The following AXDND1 variants were observed in gnomAD, a reference collection of about 807,000 sequenced individuals.
AXDND1 encodes the protein axonemal dynein light chain domain containing 1.
AXDND1 carries 110 observed loss-of-function variants against 137.5 expected under a neutral mutation model. The ratio of observed to expected loss-of-function variants is 0.80; its 90% CI spans 0.69 to 0.94. The LOEUF (loss-of-function observed/expected upper bound fraction) is 0.94, where lower values mean the gene tolerates loss of function less well. Among genes scored for constraint, AXDND1 ranks in the 40% least tolerant of loss-of-function variants. AXDND1 has a pLI of 0.00. For synonymous variants in AXDND1, 414 were observed against 399.7 expected, an observed-to-expected ratio of 1.04 and a Z score of -0.43; for missense variants, 1,191 against 1,169.8, an observed-to-expected ratio of 1.02 and a Z score of -0.26.
At chr1:179,465,696 T>G (rs1663047020) in intron 16 of AXDND1, among the ~76,000 whole-genome samples, 1 of 152,214 alleles carries the variant, frequency 6.6e-6, no homozygotes, top group Non-Finnish European at 1.5e-5. Context: ...CTGCCTTTTG[T>G]TCAGCTATGC....
chr1:179,398,539 G>A (rs894877248), intron 11 of AXDND1, among the ~76,000 whole-genome samples: 4 of 152,190 alleles, frequency 2.6e-5, no homozygotes, highest in Admixed American at 1.3e-4. Context: ...GTGCTGGGGT[G>A]CCTGCTTCCA....
At chr1:179,437,986 T>C (rs1032332246) in intron 15 of AXDND1, among the ~76,000 whole-genome samples, 3 of 152,090 alleles carry the variant, frequency 2.0e-5, no homozygotes, top group Admixed American at 2.0e-4. Flanking sequence ...ACCCTGTCTC[T>C]ACTACAAATA....
chr1:179,448,594 T>C (rs536312711), intron 16 of AXDND1: 26 of 289,776 alleles, frequency 9.0e-5, no homozygotes, highest in Middle Eastern at 1.3e-3. Flanking sequence ...GTGTGTCTCC[T>C]GGGCACGCAC....
intron 16 of AXDND1, chr1:179,448,370 C>G (rs1257580697): frequency 1.2e-5 from 8 of 674,716 alleles, no homozygotes; most frequent in Non-Finnish European, 1.9e-5. Context: ...TCCAAACTCT[C>G]TCTTTGTAAA....
intron 4 of AXDND1, among the ~76,000 whole-genome samples, chr1:179,370,847 C>T (rs1014172019): frequency 7.2e-5 from 11 of 152,132 alleles, no homozygotes; most frequent in African/African-American, 2.7e-4. Flanking sequence ...GTTTTGTGTG[C>T]CTCCCAGGGA....
chr1:179,483,016 C>G, intron 17 of AXDND1, 112 bp from the exon 18 acceptor site: 1 of 625,074 alleles, frequency 1.6e-6, no homozygotes, highest in Non-Finnish European at 2.6e-6. Flanking sequence ...AAGCAGTTGT[C>G]AACATCTAAG....
intron 12 of AXDND1, among the ~76,000 whole-genome samples, chr1:179,416,535 A>G (rs1293741814): frequency 6.6e-6 from 1 of 152,186 alleles, no homozygotes; most frequent in Non-Finnish European, 1.5e-5. Flanking sequence ...ATTCCCACCA[A>G]CAGCGTACAA....
intron 9 of AXDND1, among the ~76,000 whole-genome samples, chr1:179,386,712 T>A (rs1179173044): frequency 6.6e-6 from 1 of 152,082 alleles, no homozygotes; most frequent in Non-Finnish European, 1.5e-5. Flanking sequence ...TTTAATCCTA[T>A]CTAATTATTA....
chr1:179,372,962 C>T (rs771623881), intron 4 of AXDND1, among the ~76,000 whole-genome samples: 1 of 152,066 alleles, frequency 6.6e-6, no homozygotes, highest in Non-Finnish European at 1.5e-5. Flanking sequence ...GGATTATAGG[C>T]GTGAGCTACC....
chr1:179,378,859 A>C (rs1558091492), intron 5 of AXDND1, 102 bp downstream of exon 5: 1 of 988,824 alleles, frequency 1.0e-6, no homozygotes. Flanking sequence ...AAACAACGTC[A>C]TACTATAACA....
chr1:179,377,712 A>C (rs747914632), intron 4 of AXDND1, among the ~76,000 whole-genome samples: 1 of 152,240 alleles, frequency 6.6e-6, no homozygotes, highest in Non-Finnish European at 1.5e-5. Context: ...GATAACTGCT[A>C]AGAGATTGTT....
intron 16 of AXDND1, chr1:179,452,830 C>T (rs1207151631): frequency 6.6e-6 from 1 of 150,768 alleles, no homozygotes; most frequent in Non-Finnish European, 1.5e-5. Flanking sequence ...AAAATGTCTT[C>T]AGGGCATGTC....
At chr1:179,522,696 C>T (rs187948812) in intron 21 of AXDND1, among the ~76,000 whole-genome samples, 2 of 151,536 alleles carry the variant, frequency 1.3e-5, no homozygotes, top group Admixed American at 6.6e-5. Flanking sequence ...AGCAGTCTAG[C>T]AGAATATTCA....
chr1:179,546,674 C>T (rs1391674666), intron 25 of AXDND1, among the ~76,000 whole-genome samples: 1 of 152,118 alleles, frequency 6.6e-6, no homozygotes, highest in Non-Finnish European at 1.5e-5. Context: ...TCCTCTGTGT[C>T]CCAGCCCCCA....
chr1:179,378,582 A>G (rs1571547448), intron 4 of AXDND1, 55 bp from the exon 5 acceptor site: 7 of 1,355,312 alleles, frequency 5.2e-6, no homozygotes, highest in South Asian at 1.6e-5. Context: ...ACCTGCTGTT[A>G]TGTGGTATCC....
chr1:179,543,379 C>T (rs1449727013), intron 25 of AXDND1: 1 of 152,090 alleles, frequency 6.6e-6, no homozygotes, highest in Non-Finnish European at 1.5e-5. Flanking sequence ...AACAGTAATA[C>T]AAAGTGCAAA....
intron 2 of AXDND1, among the ~76,000 whole-genome samples, chr1:179,367,868 T>A (rs1283922727): frequency 6.6e-6 from 1 of 152,234 alleles, no homozygotes; most frequent in Non-Finnish European, 1.5e-5. Flanking sequence ...TTCGTTCATA[T>A]GCGGATCTGT....
chr1:179,424,537 C>T (rs975350529), intron 12 of AXDND1, among the ~76,000 whole-genome samples: 3 of 151,500 alleles, frequency 2.0e-5, no homozygotes, highest in Non-Finnish European at 2.9e-5. Flanking sequence ...AAGCGATTCT[C>T]CTGCCTCAGT....
chr1:179,438,718 T>G (rs1658565436), intron 15 of AXDND1, among the ~76,000 whole-genome samples: 1 of 152,174 alleles, frequency 6.6e-6, no homozygotes, highest in Non-Finnish European at 1.5e-5. Flanking sequence ...GTGTTTGCAA[T>G]GTGCTATGAT....
Sources: allele counts gnomAD v4.1 joint callset (sites outside exome capture counted in the v4.1 genomes callset), GRCh38; gene constraint gnomAD v4.1.1; transcripts MANE v1.5; gene names NCBI Gene and HGNC (gene_info 2026-07-23, HGNC 2026-07-21).